FNDC3A: variants seen among roughly 807,000 people sequenced by gnomAD.
The protein encoded by FNDC3A is fibronectin type-III domain-containing protein 3A.
Under a neutral mutation model 148.9 loss-of-function variants are expected in FNDC3A, and 32 were observed. The observed-to-expected ratio is 0.21, with a 90% CI of 0.16 to 0.29. The LOEUF (loss-of-function observed/expected upper bound fraction) is 0.29. Among genes scored for constraint, FNDC3A ranks in the 10% least tolerant of loss-of-function variants. The pLI is 1.00. For synonymous variants in FNDC3A, 472 were observed against 473.6 expected (o/e 1.00, Z 0.04); for missense variants, 1,191 against 1,452.8 (o/e 0.82, Z 2.93).
chr13:49,079,980 A>G (rs1026121047), intron 3 of FNDC3A, among the ~76,000 whole-genome samples: 5 of 151,998 alleles, frequency 3.3e-5, no homozygotes, highest in Non-Finnish European at 7.4e-5. Context: ...ATGCTTTTAT[A>G]GAGTTGAGTT....
chr13:49,068,540 A>G (rs1047723050), intron 2 of FNDC3A, among the ~76,000 whole-genome samples: 43 of 152,150 alleles, frequency 2.8e-4, no homozygotes, highest in Non-Finnish European at 5.0e-4. Context: ...CAGCAATTCC[A>G]TTACTGGATA....
At chr13:49,128,464 C>T (rs1881836789) in intron 4 of FNDC3A, among the ~76,000 whole-genome samples, 1 of 152,106 alleles carries the variant, frequency 6.6e-6, no homozygotes, top group Non-Finnish European at 1.5e-5. Flanking sequence ...TAGCAGTATT[C>T]CGGGCCTCTC....
chr13:49,155,141 C>G (rs1281190099), intron 8 of FNDC3A, among the ~76,000 whole-genome samples: 4 of 150,344 alleles, frequency 2.7e-5, no homozygotes, highest in Middle Eastern at 3.4e-3. Context: ...GTGAATCCAT[C>G]TGGTCCTGGA....
intron 5 of FNDC3A, among the ~76,000 whole-genome samples, chr13:49,134,839 C>CT (rs758721367): frequency 1.4e-3 from 6 of 4,206 alleles, no homozygotes; most frequent in Non-Finnish European, 1.4e-3. Flanking sequence ...TGGAGTTTCA[C>CT]TCTTTTTTTT....
chr13:49,020,131 A>G (rs1873209530), intron 2 of FNDC3A, among the ~76,000 whole-genome samples: 1 of 152,222 alleles, frequency 6.6e-6, no homozygotes, highest in Admixed American at 6.5e-5. Flanking sequence ...GAACTATTTA[A>G]GCACTTATGA....
intron 19 of FNDC3A, among the ~76,000 whole-genome samples, chr13:49,194,708 A>G (rs1274191670): frequency 6.6e-6 from 1 of 152,130 alleles, no homozygotes; most frequent in East Asian, 1.9e-4. Flanking sequence ...TGAAGTGGTG[A>G]TTTGTGAAAT....
chr13:49,011,327 A>G (rs1952340060), intron 2 of FNDC3A, among the ~76,000 whole-genome samples: 1 of 151,462 alleles, frequency 6.6e-6, no homozygotes, highest in Non-Finnish European at 1.5e-5. Flanking sequence ...TCCGCCTCCC[A>G]GGTTCAAGTG....
chr13:49,145,524 T>C (rs938999876), intron 7 of FNDC3A, among the ~76,000 whole-genome samples: 1 of 152,210 alleles, frequency 6.6e-6, no homozygotes, highest in African/African-American at 2.4e-5. Context: ...ATCCCAGTTT[T>C]TTTCTTTTGA....
At chr13:49,017,605 A>G (rs1872908359) in intron 2 of FNDC3A, among the ~76,000 whole-genome samples, 1 of 151,976 alleles carries the variant, frequency 6.6e-6, no homozygotes, top group Admixed American at 6.6e-5. Context: ...ATTTACATTT[A>G]AAGTTAATAT....
chr13:49,030,210 G>A (rs1324020771), intron 2 of FNDC3A, among the ~76,000 whole-genome samples: 2 of 152,174 alleles, frequency 1.3e-5, no homozygotes, highest in East Asian at 1.9e-4. Context: ...ACTAAGTGGG[G>A]TTTGTAGTAG....
chr13:49,085,714 GGT>G (rs1365992199), intron 3 of FNDC3A, among the ~76,000 whole-genome samples: 3 of 152,226 alleles, frequency 2.0e-5, no homozygotes, highest in East Asian at 1.9e-4. Context: ...CAGAATTAAT[GGT>G]GTGTTATTAA....
rs533390164 is a variant in FNDC3A at position 49,197,489 on chromosome 13, G to A, written c.2341-236G>A. Reference sequence around the variant, plus strand: ...TACCTTAAAACACTCTTTCTAAAGTGACTTAGTCATATTTCTACTTCTAAT... The same window carrying A: ...TACCTTAAAACACTCTTTCTAAAGTAACTTAGTCATATTTCTACTTCTAAT... On this transcript the variant is annotated intron_variant, in intron 20 of 25. Coordinates refer to ENST00000492622, the MANE Select transcript of FNDC3A (RefSeq NM_001079673.2). Among the ~76,000 whole-genome samples the A allele has an allele frequency of 3.9e-5, 6 of 152,276 alleles. No individual in the cohort carries two copies. The South Asian group carries it at 1.2e-3, about 32-fold the overall frequency.
chr13:49,091,507 T>A (rs562153454), intron 3 of FNDC3A, among the ~76,000 whole-genome samples: 1 of 152,226 alleles, frequency 6.6e-6, no homozygotes, highest in African/African-American at 2.4e-5. Flanking sequence ...TCTACTTCCA[T>A]GCAGAGTACA....
At chr13:49,147,061 G>C (rs2137971370) in intron 8 of FNDC3A, among the ~76,000 whole-genome samples, 1 of 152,214 alleles carries the variant, frequency 6.6e-6, no homozygotes, top group Middle Eastern at 3.4e-3. Flanking sequence ...CTCTCATCTA[G>C]TTACATAAGG....
intron 9 of FNDC3A, among the ~76,000 whole-genome samples, chr13:49,168,208 A>C (rs1325349938): frequency 6.6e-6 from 1 of 152,220 alleles, no homozygotes. Context: ...GGATATACTC[A>C]AAGTATTGTC....
chr13:48,998,741 A>G (rs1269421734), intron 1 of FNDC3A, among the ~76,000 whole-genome samples: 2 of 152,232 alleles, frequency 1.3e-5, no homozygotes, highest in African/African-American at 4.8e-5. Context: ...TATTACAGAA[A>G]TGAGAAAGAA....
chr13:49,118,939 G>A (rs971319878), intron 4 of FNDC3A, among the ~76,000 whole-genome samples: 4 of 152,340 alleles, frequency 2.6e-5, no homozygotes, highest in East Asian at 3.9e-4. Flanking sequence ...TTCAGCAGAC[G>A]TAAACGTTCC....
chr13:49,175,319 C>G (rs1884973264), intron 12 of FNDC3A, 48 bp from the exon 13 acceptor site: 2 of 1,354,824 alleles, frequency 1.5e-6, no homozygotes, highest in Non-Finnish European at 2.0e-6. Context: ...TGTTCTTTCA[C>G]TGTAAAAATA....
At position 49,197,865 on chromosome 13, in the gene FNDC3A, C is replaced by G. The variant is rs775958539; in HGVS notation, c.2481C>G (p.Cys827Trp). The G allele has an allele frequency of 1.2e-6, 2 of 1,602,376 alleles. No individual in the cohort carries two copies. Among genetic ancestry groups the G allele is most frequent in the Admixed American group, 1.8e-5 (1 of 55,762 alleles). Residue 827 changes from cysteine to tryptophan, a missense_variant, in exon 21 of 26, where the codon TGC becomes TGG. By Grantham distance (215) the Cys-to-Trp change is radical. This residue lies in a region of FNDC3A where 751 missense variants were observed against 944.0 expected (regional missense o/e 0.80). Coordinates refer to ENST00000492622, the MANE Select transcript of FNDC3A (RefSeq NM_001079673.2). The stretch of plus-strand genomic sequence containing the variant: ...TTTCACCAGCAACTACCTATTATTG[C>G]AGGGTCCAGGTAAAGATGATCAGTA... ...KGLSPATTYYCRVQALSVVGA... is the reference protein window; with the variant it reads ...KGLSPATTYYWRVQALSVVGA...
Sources: allele counts gnomAD v4.1 joint callset (sites outside exome capture counted in the v4.1 genomes callset), GRCh38; gene constraint gnomAD v4.1.1; regional missense constraint gnomAD v4.1.1; transcripts MANE v1.5; gene names NCBI Gene and HGNC (gene_info 2026-07-23, HGNC 2026-07-21).